SORCS1: variants seen among roughly 807,000 people sequenced by gnomAD.
SORCS1 encodes sortilin related VPS10 domain containing receptor 1.
A neutral mutation model predicts 146.1 loss-of-function variants in SORCS1; 60 were observed. That is an observed-to-expected ratio of 0.41 (90% CI 0.33 to 0.51). The LOEUF is 0.51. Among genes scored for constraint, SORCS1 ranks in the 20% least tolerant of loss-of-function variants. The pLI is 0.21. For missense variants in SORCS1, 1,352 were observed against 1,487.6 expected, an observed-to-expected ratio of 0.91 and a Z score of 1.50; for synonymous variants, 637 against 584.0, an observed-to-expected ratio of 1.09 and a Z score of -1.31.
chr10:106,911,537 C>T (rs1019787390), intron 2 of SORCS1, among the ~76,000 whole-genome samples: 4 of 152,126 alleles, frequency 2.6e-5, no homozygotes, highest in East Asian at 1.9e-4. Flanking sequence ...ACCAGGATCA[C>T]GAACTCAGTA....
intron 1 of SORCS1, among the ~76,000 whole-genome samples, chr10:106,990,700 T>C (rs1390601412): frequency 6.6e-6 from 1 of 152,210 alleles, no homozygotes; most frequent in Non-Finnish European, 1.5e-5. Context: ...GGAGAAAATG[T>C]AGACCTTCAC....
rs566179304 is a variant in SORCS1, at chr10:106,580,913, A to AC, written c.3266-1440dup. Among the ~76,000 whole-genome samples the AC allele has an allele frequency of 3.3e-3, 497 of 151,578 alleles. 6 individuals carry two copies. The highest frequency in any genetic ancestry group is 0.01 in the African/African-American group (418 of 41,254). ...TTTCAGGAGGCACTGAATATAAGGA[A>AC]CCCCCCCGCTATTTTCTCTCCCCTG... On this transcript the variant is annotated intron_variant, in intron 24 of 25. Coordinates refer to ENST00000263054, the MANE Select transcript of SORCS1 (RefSeq NM_052918.5).
At chr10:106,934,115 AAAAG>A (rs1178608448) in intron 2 of SORCS1, among the ~76,000 whole-genome samples, 9 of 151,778 alleles carry the variant, frequency 5.9e-5, no homozygotes, top group South Asian at 2.1e-4. Context: ...AAAAAAAAAA[AAAAG>A]AAAGAAAATT....
At chr10:107,101,964 A>G (rs936673942) in intron 1 of SORCS1, among the ~76,000 whole-genome samples, 2 of 152,208 alleles carry the variant, frequency 1.3e-5, no homozygotes, top group South Asian at 2.1e-4. Context: ...TCTCTGATCT[A>G]TAATGACTTT....
intron 19 of SORCS1, among the ~76,000 whole-genome samples, chr10:106,623,243 C>CT (rs200567639): frequency 0.017 from 2,252 of 135,880 alleles, 30 homozygotes; most frequent in Admixed American, 0.052. Context: ...CATATGTGAG[C>CT]TTTTTTTTTT....
chr10:106,695,585 A>C (rs1853633874), intron 9 of SORCS1, among the ~76,000 whole-genome samples: 1 of 152,224 alleles, frequency 6.6e-6, no homozygotes, highest in African/African-American at 2.4e-5. Context: ...TTTGAAGTGA[A>C]AGTGACAACA....
intron 1 of SORCS1, among the ~76,000 whole-genome samples, chr10:107,043,474 G>C (rs1435427908): frequency 6.6e-6 from 1 of 152,164 alleles, no homozygotes; most frequent in African/African-American, 2.4e-5. Context: ...ACTGCATTGA[G>C]TTTTAGGAAG....
intron 1 of SORCS1, among the ~76,000 whole-genome samples, chr10:107,069,385 C>CT (rs548088842): frequency 6.7e-6 from 1 of 150,076 alleles, no homozygotes; most frequent in South Asian, 2.1e-4. Context: ...TTTCTTTTTT[C>CT]TTTTTTTTAG....
chr10:106,860,052 C>T (rs757425432), intron 2 of SORCS1, among the ~76,000 whole-genome samples: 1 of 152,066 alleles, frequency 6.6e-6, no homozygotes, highest in Non-Finnish European at 1.5e-5. Context: ...GGTTTGGGAG[C>T]AAGAAAACTT....
At chr10:106,637,413 A>T (rs1347227528) in intron 18 of SORCS1, among the ~76,000 whole-genome samples, 1 of 152,188 alleles carries the variant, frequency 6.6e-6, no homozygotes. Context: ...ATGACTCTAA[A>T]ATGTCCAAAT....
intron 3 of SORCS1, among the ~76,000 whole-genome samples, chr10:106,778,478 C>G (rs898274188): frequency 1.6e-4 from 25 of 152,022 alleles, no homozygotes; most frequent in African/African-American, 5.8e-4. Flanking sequence ...AGGTAATCTA[C>G]GAAGTATAAA....
chr10:106,988,325 T>C (rs1956582374), intron 1 of SORCS1, among the ~76,000 whole-genome samples: 1 of 152,210 alleles, frequency 6.6e-6, no homozygotes, highest in Admixed American at 6.5e-5. Context: ...AGGACAGCAT[T>C]CATATATCAG....
chr10:106,925,775 T>C (rs1025116070), intron 2 of SORCS1, among the ~76,000 whole-genome samples: 6 of 152,304 alleles, frequency 3.9e-5, no homozygotes, highest in Non-Finnish European at 8.8e-5. Flanking sequence ...CAGAGAACAA[T>C]TGCACTGTAT....
intron 17 of SORCS1, among the ~76,000 whole-genome samples, chr10:106,661,273 A>G (rs930845903): frequency 6.6e-6 from 1 of 152,230 alleles, no homozygotes; most frequent in African/African-American, 2.4e-5. Flanking sequence ...ATTTGAGCAA[A>G]AGGAACTCGT....
At chr10:107,119,445 A>C (rs568782137) in intron 1 of SORCS1, among the ~76,000 whole-genome samples, 1 of 152,328 alleles carries the variant, frequency 6.6e-6, no homozygotes, top group African/African-American at 2.4e-5. Flanking sequence ...CTTTCAAGGG[A>C]ATAATACAAA....
chr10:107,152,737 C>G (rs1292474967), intron 1 of SORCS1, among the ~76,000 whole-genome samples: 1 of 152,174 alleles, frequency 6.6e-6, no homozygotes, highest in Non-Finnish European at 1.5e-5. Flanking sequence ...AACTGTGAGT[C>G]AATTAAACCT....
chr10:107,086,810 A>T (rs1210190994), intron 1 of SORCS1, among the ~76,000 whole-genome samples: 1 of 152,228 alleles, frequency 6.6e-6, no homozygotes, highest in Non-Finnish European at 1.5e-5. Context: ...CAGGTGGATC[A>T]CCAGGTCAGG....
Position 106,688,458 on chromosome 10 carries a change from G to T in SORCS1, c.1414-120C>A, listed in dbSNP as rs754184918. 576 of 1,110,762 alleles carry T rather than the reference G, an allele frequency of 5.2e-4. 5 individuals are homozygous for T. The highest frequency in any genetic ancestry group is 6.0e-4 in the Middle Eastern group (2 of 3,322). The allele number at this position is 1,110,762 out of a possible 1,614,324, so 68.8% of individuals were successfully genotyped here. On this transcript the variant is annotated intron_variant, in intron 9 of 25. Coordinates refer to ENST00000263054, the MANE Select transcript of SORCS1 (RefSeq NM_052918.5). Reference sequence around the variant, plus strand: ...GAGCACTTGCCTTGGAGGAAAGAAAGGTTGACGATGGGGGAAGGAGGTGGC... The same window carrying T: ...GAGCACTTGCCTTGGAGGAAAGAAATGTTGACGATGGGGGAAGGAGGTGGC...
At chr10:106,671,156 T>C in intron 16 of SORCS1, 81 bp downstream of exon 16, 1 of 1,580,836 alleles carries the variant, frequency 6.3e-7, no homozygotes, top group African/African-American at 1.3e-5. Flanking sequence ...ATGTTACTAT[T>C]ATTTCAATTC....
Sources: allele counts gnomAD v4.1 joint callset (sites outside exome capture counted in the v4.1 genomes callset), GRCh38; gene constraint gnomAD v4.1.1; transcripts MANE v1.5; gene names NCBI Gene and HGNC (gene_info 2026-07-23, HGNC 2026-07-21).